HYDIN: variants seen among roughly 807,000 people sequenced by gnomAD.
HYDIN encodes the protein HYDIN axonemal central pair apparatus protein.
In HYDIN, 132 loss-of-function variants were observed where a neutral mutation model predicts 403.9. The observed-to-expected ratio is 0.33, with a 90% CI of 0.28 to 0.38. HYDIN has a LOEUF of 0.38. Among genes scored for constraint, HYDIN ranks in the 10% least tolerant of loss-of-function variants. The pLI is 1.00. For missense variants in HYDIN, 2,827 were observed against 5,009.5 expected, an observed-to-expected ratio of 0.56 and a Z score of 13.15; for synonymous variants, 1,202 against 1,891.7, an observed-to-expected ratio of 0.64 and a Z score of 9.46.
chr16:71,132,494 A>G (rs2084748335), intron 8 of HYDIN: 2 of 50,972 alleles, frequency 3.9e-5, no homozygotes, highest in African/African-American at 1.6e-4. Context: ...ACATTTTGAA[A>G]GAACAGATTC....
intron 8 of HYDIN, among the ~76,000 whole-genome samples, chr16:71,133,738 G>T (rs1162493844): frequency 6.6e-6 from 1 of 151,954 alleles, no homozygotes; most frequent in Non-Finnish European, 1.5e-5. Flanking sequence ...GAGTATGAAA[G>T]AATCTTGCAG....
rs144768892 is a variant in HYDIN, at chr16:71,175,376, T to C, written c.516+231A>G. On this transcript the variant is annotated intron_variant, in intron 5 of 85. Transcript: ENST00000393567. ...CCATCACCACCATCAATGACAACAA[T>C]ATCACCACCATCTATACTACCAACA... Among the ~76,000 whole-genome samples the C allele has an allele frequency of 4.2e-3, 641 of 151,430 alleles. 4 individuals are homozygous for C. The highest frequency in any genetic ancestry group is 0.015 in the African/African-American group (623 of 41,274).
intron 23 of HYDIN, among the ~76,000 whole-genome samples, 175 bp from the exon 24 acceptor site, chr16:70,992,385 A>G (rs1774512): frequency 0.44 from 48,316 of 109,486 alleles, 12,561 homozygotes; most frequent in African/African-American, 0.69. Flanking sequence ...CTCAGCTAAA[A>G]TTTCACTTGC....
chr16:70,969,157 C>G (rs369362325), intron 36 of HYDIN, among the ~76,000 whole-genome samples: 66 of 151,694 alleles, frequency 4.4e-4, no homozygotes, highest in African/African-American at 1.5e-3. Flanking sequence ...TGTAACAAAA[C>G]AAAATATGAG....
intron 12 of HYDIN, among the ~76,000 whole-genome samples, chr16:71,087,331 G>A (rs2082960845): frequency 6.6e-6 from 1 of 151,672 alleles, no homozygotes; most frequent in Non-Finnish European, 1.5e-5. Flanking sequence ...TTTTTTCTGA[G>A]GGTCTCTCGC....
intron 8 of HYDIN, among the ~76,000 whole-genome samples, chr16:71,133,477 G>A (rs1337858810): frequency 1.3e-5 from 2 of 152,194 alleles, no homozygotes; most frequent in East Asian, 1.9e-4. Flanking sequence ...CAGGTGGTAG[G>A]CTCAAAGCCC....
At chr16:70,930,438 G>T (rs1597350270) in intron 45 of HYDIN, among the ~76,000 whole-genome samples, 1 of 151,964 alleles carries the variant, frequency 6.6e-6, no homozygotes, top group East Asian at 1.9e-4. Flanking sequence ...CCAAGATTGC[G>T]CCACTGCACT....
chr16:70,986,747 GTAAAGTAAA>G (rs1296181533), intron 27 of HYDIN, among the ~76,000 whole-genome samples: 2 of 131,910 alleles, frequency 1.5e-5, no homozygotes, highest in Non-Finnish European at 3.2e-5. Context: ...CCAAGGGAAT[GTAAAGTAAA>G]AGATAACCCT....
At position 70,920,997 on chromosome 16, in the gene HYDIN, T is replaced by C. The variant is rs747013945; in HGVS notation, c.7379A>G (p.Tyr2460Cys). The C allele has an allele frequency of 4.4e-6, 7 of 1,584,366 alleles. No individual in the cohort carries two copies. The highest frequency in any genetic ancestry group is 1.7e-4 in the Middle Eastern group (1 of 5,938). ...DKQLAPKFKT[Y>C]ELTLKDVQNI... ...CTGGACATCCTTCAGTGTCAATTCA[T>C]AGGTCTTAAACTTCGGGGCCAGTTG... Residue 2460 changes from tyrosine to cysteine, a missense_variant, in exon 46 of 86, where the codon TAT becomes TGT. Tyr to Cys is a radical substitution (Grantham distance 194). Transcript: ENST00000393567.
intron 10 of HYDIN, among the ~76,000 whole-genome samples, chr16:71,098,779 G>A (rs1350067780): frequency 5.6e-5 from 8 of 143,494 alleles, no homozygotes; most frequent in African/African-American, 2.1e-4. Flanking sequence ...TAATAAAGCA[G>A]TGAGCCAATG....
In HYDIN at chr16:70,879,618, C is replaced by T; in HGVS notation, c.10354G>A (p.Asp3452Asn). Residue 3452 changes from aspartate to asparagine, a missense_variant, in exon 61 of 86, where the codon GAT becomes AAT. Transcript: ENST00000393567. ...NYQCIFEATL[D>N]GLPSTLAKSR... ...GGGAGTTGGTACCTGGGCAAGCCAT[C>T]CAAGGTAGCCTCAAAGATGCACTGG... 2 of 1,612,998 alleles carry T rather than the reference C, an allele frequency of 1.2e-6. No homozygotes were observed. The highest frequency in any genetic ancestry group is 1.1e-5 in the South Asian group (1 of 91,026).
intron 62 of HYDIN, among the ~76,000 whole-genome samples, chr16:70,876,289 G>A (rs1249034349): frequency 2.8e-4 from 39 of 140,952 alleles, no homozygotes; most frequent in Non-Finnish European, 3.3e-4. Flanking sequence ...GGGTTCTGGC[G>A]ATTCTCCTGC....
chr16:70,807,555 T>G lies in HYDIN; in HGVS notation c.*25A>C, dbSNP rs377436312. 26 of 1,575,372 alleles carry G rather than the reference T, an allele frequency of 1.7e-5. No individual in the cohort carries two copies. The highest frequency in any genetic ancestry group is 1.2e-5 in the South Asian group (1 of 83,886). On this transcript the variant is annotated 3_prime_UTR_variant, in exon 86 of 86. Coordinates refer to ENST00000393567, the MANE Select transcript of HYDIN (RefSeq NM_001270974.2). Reference sequence around the variant, plus strand: ...GGCTAAGACAATGCATAGCTTTTGGTTGATACAGGTAACCCTGGTTACCAC... The same window carrying G: ...GGCTAAGACAATGCATAGCTTTTGGGTGATACAGGTAACCCTGGTTACCAC...
chr16:70,905,845 C>T (rs1380862493), intron 50 of HYDIN, among the ~76,000 whole-genome samples: 4 of 151,720 alleles, frequency 2.6e-5, no homozygotes, highest in African/African-American at 9.7e-5. Flanking sequence ...CTGTTCTGTA[C>T]CTCATGTCCA....
chr16:70,832,527 C>T lies in HYDIN; in HGVS notation c.13899+321G>A, dbSNP rs1798368. Among the ~76,000 whole-genome samples, 22 of 132,986 alleles carry T rather than the reference C, an allele frequency of 1.7e-4. 1 individual carries two copies. The highest frequency in any genetic ancestry group is 4.2e-4 in the African/African-American group (15 of 35,582). The allele number at this position is 132,986 out of a possible 152,430, so 87.2% of individuals were successfully genotyped here. A position where few individuals can be genotyped will look rare whatever the true frequency, so the allele number is the denominator to read the frequency against. ...GGTTCCCAGGAACAAGGCTAGCAGA[C>T]GGATATACCAAGGCCATTTTTTTTT... On this transcript the variant is annotated intron_variant, in intron 80 of 85. Transcript: ENST00000393567.
chr16:70,978,791 A>T, intron 30 of HYDIN, 123 bp downstream of exon 30: 2 of 803,740 alleles, frequency 2.5e-6, no homozygotes. Context: ...TTCTGCACAC[A>T]GTGCCCTTCT....
At chr16:70,904,519 T>TTTTTGG (rs2076478650) in intron 50 of HYDIN, among the ~76,000 whole-genome samples, 1 of 52,730 alleles carries the variant, frequency 1.9e-5, no homozygotes. Context: ...TTTTTTTTTT[T>TTTTTGG]GAGGGAGTTT....
At chr16:71,143,751 A>G (rs2085258973) in intron 7 of HYDIN, among the ~76,000 whole-genome samples, 1 of 152,296 alleles carries the variant, frequency 6.6e-6, no homozygotes, top group African/African-American at 2.4e-5. Flanking sequence ...CAAAGCAGCA[A>G]CATTACAGTC....
At chr16:70,826,555 C>CT (rs2036601015) in intron 83 of HYDIN, among the ~76,000 whole-genome samples, 1 of 151,756 alleles carries the variant, frequency 6.6e-6, no homozygotes, top group Non-Finnish European at 1.5e-5. Flanking sequence ...TTTATGGTAA[C>CT]TTTTTTTAGA....
Sources: gnomAD v4.1 joint callset for allele counts (sites outside exome capture counted in the v4.1 genomes callset) on GRCh38, gnomAD v4.1.1 for gene constraint, MANE v1.5 for transcripts, NCBI Gene and HGNC (gene_info 2026-07-23, HGNC 2026-07-21) for gene names.